The following CACNA2D1 variants were observed in gnomAD, a reference collection of about 807,000 sequenced individuals.
The protein encoded by CACNA2D1 is voltage-dependent calcium channel subunit alpha-2/delta-1.
In CACNA2D1, 53 loss-of-function variants were observed where a neutral mutation model predicts 171.5. That is an observed-to-expected ratio of 0.31 (90% CI 0.25 to 0.39). The LOEUF is 0.39. CACNA2D1 is among the 10% of genes least tolerant of loss of function. CACNA2D1 has a pLI of 1.00. For missense variants in CACNA2D1, 903 were observed against 1,299.8 expected (o/e 0.69, Z 4.69); for synonymous variants, 442 against 443.1 (o/e 1.00, Z 0.03).
At chr7:82,174,459 C>G (rs1796363374) in intron 3 of CACNA2D1, among the ~76,000 whole-genome samples, 3 of 151,954 alleles carry the variant, frequency 2.0e-5, no homozygotes, top group Admixed American at 2.0e-4. Flanking sequence ...ACATCCCTAC[C>G]TACTTATTGG....
chr7:82,013,876 T>C (rs1253043764), intron 13 of CACNA2D1, among the ~76,000 whole-genome samples: 1 of 151,866 alleles, frequency 6.6e-6, no homozygotes, highest in African/African-American at 2.4e-5. Flanking sequence ...TCAGAAAAAA[T>C]TTAAGTTCTT....
chr7:82,225,208 T>C (rs370204205), intron 3 of CACNA2D1, among the ~76,000 whole-genome samples: 1 of 152,176 alleles, frequency 6.6e-6, no homozygotes, highest in East Asian at 1.9e-4. Flanking sequence ...ATTATGAAAT[T>C]AAATCACTCT....
chr7:82,443,556 G>T lies in CACNA2D1; in HGVS notation c.-97C>A. The stretch of plus-strand genomic sequence containing the variant: ...GAGGAAGAGCAGCACACGCCGCCGG[G>T]ACCGCGGGCGTCTGGAGGGCTGGCT... On this transcript the variant is annotated 5_prime_UTR_variant, in exon 1 of 39. Coordinates refer to ENST00000356860, the MANE Select transcript of CACNA2D1 (RefSeq NM_000722.4). 2 of 1,518,466 alleles carry T rather than the reference G, an allele frequency of 1.3e-6. No homozygotes were observed. The highest frequency in any genetic ancestry group is 8.8e-7 in the Non-Finnish European group (1 of 1,131,980). 94.1% of individuals were successfully genotyped at this position (1,518,466 alleles called of 1,614,324 possible).
chr7:82,411,871 C>T (rs1452663462), intron 1 of CACNA2D1, among the ~76,000 whole-genome samples: 1 of 149,200 alleles, frequency 6.7e-6, no homozygotes, highest in African/African-American at 2.5e-5. Flanking sequence ...AACTCCTTAC[C>T]TCAAGCCAAA....
intron 1 of CACNA2D1, among the ~76,000 whole-genome samples, chr7:82,440,459 C>G (rs181842144): frequency 6.6e-5 from 10 of 151,710 alleles, no homozygotes; most frequent in Non-Finnish European, 1.2e-4. Flanking sequence ...AATACCAATA[C>G]GACATGTGCA....
intron 1 of CACNA2D1, among the ~76,000 whole-genome samples, chr7:82,374,338 T>C (rs1324527740): frequency 6.6e-6 from 1 of 152,178 alleles, no homozygotes; most frequent in Non-Finnish European, 1.5e-5. Flanking sequence ...GTACTAGTCA[T>C]TAACAGGAAT....
At chr7:82,377,414 A>G (rs1480522700) in intron 1 of CACNA2D1, among the ~76,000 whole-genome samples, 1 of 152,210 alleles carries the variant, frequency 6.6e-6, no homozygotes, top group Non-Finnish European at 1.5e-5. Context: ...TATAGCCACT[A>G]TAACTTTTAG....
At chr7:82,208,059 T>G (rs1800190380) in intron 3 of CACNA2D1, among the ~76,000 whole-genome samples, 1 of 152,086 alleles carries the variant, frequency 6.6e-6, no homozygotes, top group South Asian at 2.1e-4. Context: ...ACCTTAAGGG[T>G]GAGAAAAGGT....
chr7:82,081,856 G>C (rs1268998308), intron 7 of CACNA2D1, among the ~76,000 whole-genome samples: 4 of 152,182 alleles, frequency 2.6e-5, no homozygotes, highest in African/African-American at 9.7e-5. Context: ...CTGGTGGGAG[G>C]GGGTGTGTGA....
At chr7:82,111,440 ATATATTT>A (rs1563065514) in intron 6 of CACNA2D1, among the ~76,000 whole-genome samples, 81 of 99,624 alleles carry the variant, frequency 8.1e-4, no homozygotes, top group African/African-American at 2.7e-3. Flanking sequence ...ATATATATAT[ATATATTT>A]TTTTTTTTTT....
intron 3 of CACNA2D1, among the ~76,000 whole-genome samples, chr7:82,322,834 G>A (rs138006777): frequency 6.6e-6 from 1 of 152,128 alleles, no homozygotes; most frequent in Non-Finnish European, 1.5e-5. Flanking sequence ...AAAAAAGCCA[G>A]GATGGGTTTG....
At chr7:82,348,587 C>A in intron 2 of CACNA2D1, among the ~76,000 whole-genome samples, 1 of 152,152 alleles carries the variant, frequency 6.6e-6, no homozygotes, top group Non-Finnish European at 1.5e-5. Context: ...TCAACACTCT[C>A]TACAGTTGTT....
intron 6 of CACNA2D1, among the ~76,000 whole-genome samples, chr7:82,104,396 G>A (rs1813064705): frequency 4.6e-5 from 7 of 151,886 alleles, no homozygotes; most frequent in Admixed American, 4.6e-4. Flanking sequence ...CATCATCTAA[G>A]AGTGATCTAG....
chr7:82,364,545 T>C (rs556442309), intron 1 of CACNA2D1, among the ~76,000 whole-genome samples: 1 of 152,334 alleles, frequency 6.6e-6, no homozygotes, highest in South Asian at 2.1e-4. Flanking sequence ...ATTAATCTGG[T>C]TTTTCTTATT....
intron 6 of CACNA2D1, among the ~76,000 whole-genome samples, chr7:82,107,194 G>C (rs892308054): frequency 6.6e-6 from 1 of 152,104 alleles, no homozygotes; most frequent in Non-Finnish European, 1.5e-5. Flanking sequence ...TCATTCTCCT[G>C]TAGTACCCTA....
intron 3 of CACNA2D1, among the ~76,000 whole-genome samples, chr7:82,258,358 T>C (rs1399065013): frequency 6.6e-6 from 1 of 152,054 alleles, no homozygotes; most frequent in African/African-American, 2.4e-5. Flanking sequence ...AATAGTTCCT[T>C]GGCCAGTCTG....
At chr7:82,203,368 T>C (rs1799678762) in intron 3 of CACNA2D1, among the ~76,000 whole-genome samples, 1 of 152,170 alleles carries the variant, frequency 6.6e-6, no homozygotes, top group Non-Finnish European at 1.5e-5. Flanking sequence ...TGCCTTCTCT[T>C]CCCGAGAGCC....
intron 38 of CACNA2D1, among the ~76,000 whole-genome samples, chr7:81,952,136 G>T (rs747750747): frequency 7.3e-5 from 11 of 151,044 alleles, no homozygotes; most frequent in Non-Finnish European, 1.2e-4. Context: ...CATTTTTTGA[G>T]AACTGTCTAT....
intron 17 of CACNA2D1, 119 bp from the exon 18 acceptor site, chr7:82,005,616 G>T: frequency 3.5e-6 from 3 of 865,000 alleles, no homozygotes; most frequent in South Asian, 1.5e-5. Flanking sequence ...AGATAACATG[G>T]AATCATTTTA....
Sources: allele counts gnomAD v4.1 joint callset (sites outside exome capture counted in the v4.1 genomes callset), GRCh38; gene constraint gnomAD v4.1.1; transcripts MANE v1.5; gene names NCBI Gene and HGNC (gene_info 2026-07-23, HGNC 2026-07-21).